ARMH3: variants seen among roughly 807,000 people sequenced by gnomAD.
The protein encoded by ARMH3 is armadillo like helical domain containing 3.
A neutral mutation model predicts 99.1 loss-of-function variants in ARMH3; 60 were observed. The observed-to-expected ratio is 0.61, with a 90% CI of 0.49 to 0.75. ARMH3 has a LOEUF of 0.75. Among genes scored for constraint, ARMH3 ranks in the 30% least tolerant of loss-of-function variants. ARMH3 has a pLI of 0.00. For synonymous variants in ARMH3, 285 were observed against 292.8 expected, an observed-to-expected ratio of 0.97 and a Z score of 0.27; for missense variants, 679 against 843.1, an observed-to-expected ratio of 0.81 and a Z score of 2.41.
chr10:102,006,680 C>A, intron 13 of ARMH3, 47 bp from the exon 14 acceptor site: 2 of 1,569,010 alleles, frequency 1.3e-6, no homozygotes, highest in Non-Finnish European at 1.8e-6. Context: ...ATCCAGTTCT[C>A]CCTGAGTATC....
chr10:101,872,222 A>AGTGTGT (rs139187179), intron 24 of ARMH3, among the ~76,000 whole-genome samples: 1 of 150,044 alleles, frequency 6.7e-6, no homozygotes, highest in Non-Finnish European at 1.5e-5. Flanking sequence ...ATATTTAGAG[A>AGTGTGT]GTGTGTGTGT....
chr10:102,023,815 C>A (rs2066940653), intron 6 of ARMH3, 66 bp from the exon 7 acceptor site: 8 of 1,409,900 alleles, frequency 5.7e-6, no homozygotes, highest in Non-Finnish European at 8.0e-6. Context: ...GTAATCTCCT[C>A]CCCTAACATC....
At chr10:102,045,151 A>G (rs1417020603) in intron 1 of ARMH3, among the ~76,000 whole-genome samples, 2 of 148,510 alleles carry the variant, frequency 1.3e-5, no homozygotes, top group Non-Finnish European at 3.0e-5. Context: ...AAAAAAAAAG[A>G]GCGAAACAAA....
intron 23 of ARMH3, among the ~76,000 whole-genome samples, chr10:101,903,346 G>A (rs2135507878): frequency 6.6e-6 from 1 of 152,302 alleles, no homozygotes; most frequent in South Asian, 2.1e-4. Context: ...ACTACGCTAG[G>A]CAATGAAGGT....
chr10:102,022,297 C>T (rs145815987), intron 8 of ARMH3, among the ~76,000 whole-genome samples: 151 of 151,496 alleles, frequency 1.0e-3, no homozygotes, highest in Middle Eastern at 3.4e-3. Flanking sequence ...AATCATCATA[C>T]TCAATAGGGG....
At chr10:101,957,875 A>C in intron 20 of ARMH3, 143 bp from the exon 21 acceptor site, 1 of 1,209,272 alleles carries the variant, frequency 8.3e-7, no homozygotes, top group Non-Finnish European at 1.1e-6. Context: ...AAAGCAGGTA[A>C]GGTAGGTATA....
At position 102,033,333 on chromosome 10, in the gene ARMH3, C is replaced by T; in HGVS notation, c.109G>A (p.Asp37Asn). The T allele has an allele frequency of 6.2e-7, 1 of 1,614,074 alleles. No individual in the cohort carries two copies. ...AACCGAGGACTGCACTTACTGGGGT[C>T]CTCTGTCTGAAACCAGAATATAAGC... ...LMYDEIFMTE[D>N]PSKCSPRFWE... Residue 37 changes from aspartate to asparagine, a missense_variant, in exon 3 of 26, where the codon GAC (aspartate) becomes AAC (asparagine). Around this residue, in one of 3 missense-constraint regions of ARMH3, gnomAD observed 280 missense variants for 354.6 expected, o/e 0.79. Transcript: ENST00000370033.
intron 5 of ARMH3, among the ~76,000 whole-genome samples, chr10:102,026,311 TG>T (rs1285353753): frequency 6.6e-6 from 1 of 152,218 alleles, no homozygotes; most frequent in Non-Finnish European, 1.5e-5. Flanking sequence ...TACTCTGTGC[TG>T]AATATTGTGC....
intron 11 of ARMH3, among the ~76,000 whole-genome samples, 182 bp from the exon 12 acceptor site, chr10:102,010,205 A>C (rs1053100885): frequency 2.6e-5 from 4 of 152,236 alleles, no homozygotes; most frequent in Non-Finnish European, 4.4e-5. Context: ...AAGACTCATA[A>C]GTAATAAATG....
chr10:101,929,513 G>A (rs550454682), intron 23 of ARMH3, among the ~76,000 whole-genome samples: 1 of 152,154 alleles, frequency 6.6e-6, no homozygotes, highest in Non-Finnish European at 1.5e-5. Context: ...AGGAAAGAGT[G>A]TCCTCTGCAA....
At chr10:101,862,887 C>G (rs1205362379) in intron 24 of ARMH3, among the ~76,000 whole-genome samples, 2 of 152,150 alleles carry the variant, frequency 1.3e-5, no homozygotes, top group Admixed American at 1.3e-4. Context: ...AAATCAAGAG[C>G]CAATTATACA....
intron 24 of ARMH3, among the ~76,000 whole-genome samples, chr10:101,881,785 T>C (rs1020274214): frequency 6.6e-6 from 1 of 152,210 alleles, no homozygotes; most frequent in African/African-American, 2.4e-5. Context: ...CCCAAAGACA[T>C]GACTTGCTAG....
At chr10:101,875,401 A>G (rs914818343) in intron 24 of ARMH3, among the ~76,000 whole-genome samples, 45 of 152,226 alleles carry the variant, frequency 3.0e-4, no homozygotes, top group African/African-American at 1.1e-3. Context: ...AATTATTTGG[A>G]AACAATGATC....
At chr10:101,958,579 C>T (rs1385731257) in intron 20 of ARMH3, among the ~76,000 whole-genome samples, 1 of 152,178 alleles carries the variant, frequency 6.6e-6, no homozygotes, top group African/African-American at 2.4e-5. Context: ...ACCTACCTCC[C>T]CTACTTGATG....
chr10:101,925,726 T>C (rs1481962838), intron 23 of ARMH3, among the ~76,000 whole-genome samples: 1 of 152,042 alleles, frequency 6.6e-6, no homozygotes, highest in East Asian at 1.9e-4. Flanking sequence ...CTGGCCAACA[T>C]GGTGAAATCC....
At chr10:101,971,376 T>G (rs2135901620) in intron 20 of ARMH3, among the ~76,000 whole-genome samples, 1 of 152,090 alleles carries the variant, frequency 6.6e-6, no homozygotes. Context: ...GTCAGAAATT[T>G]GAGGCCAGCT....
At position 102,009,968 on chromosome 10, in the gene ARMH3, GGCACTTACTGTACTGA is replaced by G; in HGVS notation, c.871_878+8del. 1 of 1,613,250 alleles carries G rather than the reference GGCACTTACTGTACTGA, an allele frequency of 6.2e-7. No homozygotes were observed. The highest frequency in any genetic ancestry group is 1.1e-5 in the South Asian group (1 of 90,974). On this transcript the variant is annotated splice_donor_variant and splice_donor_5th_base_variant and coding_sequence_variant and intron_variant, in exon 12 of 26. Transcript: ENST00000370033. LOFTEE classifies it high-confidence loss of function. ...TCCAAGTCACTGCACAAGAATGTCA[GGCACTTACTGTACTGA>G]GATTTTCTCATGGGCATCTGCTATG...
chr10:101,874,412 C>G (rs2067209510), intron 24 of ARMH3, among the ~76,000 whole-genome samples: 1 of 152,096 alleles, frequency 6.6e-6, no homozygotes. Context: ...ACATCAGTAA[C>G]TCTAAGCTAG....
intron 24 of ARMH3, among the ~76,000 whole-genome samples, chr10:101,865,246 CAA>C (rs529031144): frequency 1.3e-5 from 2 of 149,456 alleles, no homozygotes; most frequent in African/African-American, 4.9e-5. Context: ...AACAAACAAA[CAA>C]AAAGAGTAAG....
Sources: allele counts gnomAD v4.1 joint callset (sites outside exome capture counted in the v4.1 genomes callset), GRCh38; gene constraint gnomAD v4.1.1; regional missense constraint gnomAD v4.1.1; transcripts MANE v1.5; gene names NCBI Gene and HGNC (gene_info 2026-07-23, HGNC 2026-07-21).